Variants in MTRF1 observed in about 807,000 individuals in gnomAD.
MTRF1 encodes the protein peptide chain release factor 1, mitochondrial.
MTRF1 carries 51 observed loss-of-function variants against 62.9 expected under a neutral mutation model. The ratio of observed to expected loss-of-function variants is 0.81; its 90% CI spans 0.65 to 1.02. The LOEUF is 1.02. Among genes scored for constraint, MTRF1 ranks in the 50% least tolerant of loss-of-function variants. The pLI, the probability that MTRF1 is intolerant of heterozygous loss-of-function variation, is 0.00. For missense variants in MTRF1, 446 were observed against 530.0 expected, an observed-to-expected ratio of 0.84 and a Z score of 1.56; for synonymous variants, 158 against 181.9, an observed-to-expected ratio of 0.87 and a Z score of 1.06.
intron 5 of MTRF1, among the ~76,000 whole-genome samples, chr13:41,241,114 G>A (rs1040010469): frequency 1.2e-4 from 18 of 152,126 alleles, no homozygotes; most frequent in East Asian, 1.2e-3. Flanking sequence ...GTGCAATCTC[G>A]GCTCGCTACA....
At chr13:41,266,756 G>A (rs2040843613), upstream of MTRF1, among the ~76,000 whole-genome samples, 1 of 152,094 alleles carries the variant, frequency 6.6e-6, no homozygotes, top group South Asian at 2.1e-4. Context: ...CACTTTGGGA[G>A]CCGAGGTGGG....
intron 7 of MTRF1, among the ~76,000 whole-genome samples, chr13:41,230,791 C>T (rs1057430931): frequency 1.3e-5 from 2 of 150,348 alleles, no homozygotes. Flanking sequence ...GGCATGATCT[C>T]GGCTCACTGC....
upstream of MTRF1, among the ~76,000 whole-genome samples, chr13:41,265,938 C>T (rs1400051076): frequency 6.6e-6 from 1 of 152,112 alleles, no homozygotes; most frequent in Non-Finnish European, 1.5e-5. Context: ...CAACTTCTGT[C>T]TCCCGGATTC....
At chr13:41,219,060 G>T (rs1313297051) in intron 9 of MTRF1, among the ~76,000 whole-genome samples, 1 of 148,008 alleles carries the variant, frequency 6.8e-6, no homozygotes, top group African/African-American at 2.5e-5. Flanking sequence ...CAAGGCTGAC[G>T]CGGGCAGATC....
At chr13:41,265,188 C>T (rs559396884), upstream of MTRF1, among the ~76,000 whole-genome samples, 41 of 152,086 alleles carry the variant, frequency 2.7e-4, no homozygotes, top group African/African-American at 8.7e-4. Flanking sequence ...TTTGGGAGGC[C>T]GAGCCAGGTG....
the MTRF1 span, among the ~76,000 whole-genome samples, chr13:41,297,580 T>TC: frequency 6.6e-6 from 1 of 151,844 alleles, no homozygotes; most frequent in Admixed American, 6.6e-5. Context: ...TTAATTGCTT[T>TC]TTTTTTTTTT....
the MTRF1 span, among the ~76,000 whole-genome samples, chr13:41,298,698 T>C: frequency 6.6e-6 from 1 of 152,256 alleles, no homozygotes. Context: ...GCAAATTCAA[T>C]GGGGTCCTGA....
chr13:41,244,543 C>A (rs888381153), intron 5 of MTRF1, among the ~76,000 whole-genome samples: 1 of 152,200 alleles, frequency 6.6e-6, no homozygotes, highest in African/African-American at 2.4e-5. Context: ...GGTATTCATA[C>A]CCTTACAGTT....
At chr13:41,259,114 A>G (rs1023520367) in intron 2 of MTRF1, among the ~76,000 whole-genome samples, 18 of 152,222 alleles carry the variant, frequency 1.2e-4, no homozygotes, top group Non-Finnish European at 2.1e-4. Context: ...AGGGCGGATA[A>G]TAAGTGTTGG....
At chr13:41,267,060 TTTTG>T (rs2040849137), upstream of MTRF1, among the ~76,000 whole-genome samples, 1 of 151,642 alleles carries the variant, frequency 6.6e-6, no homozygotes, top group African/African-American at 2.4e-5. Context: ...TTTTGTGGCA[TTTTG>T]TTTGTTAATA....
intron 9 of MTRF1, among the ~76,000 whole-genome samples, chr13:41,221,761 C>T (rs1409361057): frequency 1.3e-5 from 2 of 152,140 alleles, no homozygotes; most frequent in Non-Finnish European, 2.9e-5. Context: ...ATACTATGCA[C>T]CTATGGTCCC....
upstream of MTRF1, among the ~76,000 whole-genome samples, chr13:41,268,366 T>G (rs1365620660): frequency 6.6e-6 from 1 of 152,210 alleles, no homozygotes; most frequent in Non-Finnish European, 1.5e-5. Flanking sequence ...ATTTATAATT[T>G]GATTTTAGAA....
the MTRF1 span, among the ~76,000 whole-genome samples, chr13:41,272,760 A>G: frequency 6.6e-6 from 1 of 152,168 alleles, no homozygotes; most frequent in East Asian, 1.9e-4. Context: ...TGCGAGTTCA[A>G]ACTACATAAA....
intron 1 of MTRF1, chr13:41,261,840 G>A: frequency 2.1e-6 from 2 of 974,480 alleles, no homozygotes; most frequent in Non-Finnish European, 2.4e-6. Context: ...AGGAAGAAAA[G>A]TTCAAGTATT....
chr13:41,269,525 T>A, the MTRF1 span, among the ~76,000 whole-genome samples: 1 of 148,268 alleles, frequency 6.7e-6, no homozygotes, highest in Non-Finnish European at 1.5e-5. Flanking sequence ...ACAAAACCTT[T>A]AAATAAGCTT....
chr13:41,311,670 CCA>C, the MTRF1 span: 4 of 1,200,318 alleles, frequency 3.3e-6, no homozygotes, highest in Non-Finnish European at 4.7e-6. Flanking sequence ...CCGGCGCGGG[CCA>C]GGCTTGGCCT....
intron 7 of MTRF1, among the ~76,000 whole-genome samples, chr13:41,232,845 C>T (rs1294742728): frequency 6.6e-6 from 1 of 152,120 alleles, no homozygotes; most frequent in African/African-American, 2.4e-5. Flanking sequence ...CTCCAGAGAG[C>T]ACTGGAGTGA....
chr13:41,301,168 C>T, the MTRF1 span, among the ~76,000 whole-genome samples: 3 of 151,980 alleles, frequency 2.0e-5, no homozygotes, highest in Non-Finnish European at 2.9e-5. Context: ...AGTAAAGTTC[C>T]CTAAGAAGGC....
the MTRF1 span, among the ~76,000 whole-genome samples, chr13:41,311,910 C>G: frequency 1.3e-5 from 2 of 152,362 alleles, no homozygotes; most frequent in African/African-American, 4.8e-5. Flanking sequence ...TCTGCCGCGC[C>G]GGGCTCGCAG....
Sources: gnomAD v4.1 joint callset for allele counts (sites outside exome capture counted in the v4.1 genomes callset) on GRCh38, gnomAD v4.1.1 for gene constraint, MANE v1.5 for transcripts, NCBI Gene and HGNC (gene_info 2026-07-23, HGNC 2026-07-21) for gene names.